STAB2: variants seen among roughly 807,000 people sequenced by gnomAD.
STAB2 encodes the protein stabilin-2.
Under a neutral mutation model 338.1 loss-of-function variants are expected in STAB2, and 288 were observed. That is an observed-to-expected ratio of 0.85 (90% CI 0.77 to 0.94). STAB2 has a LOEUF of 0.94. Ranked by LOEUF, STAB2 falls within the 40% of genes least tolerant of loss-of-function variation. The probability of loss-of-function intolerance (pLI) is 0.00; values close to 1 mark genes in which losing one functional copy is unlikely to be tolerated. For synonymous variants in STAB2, 1,202 were observed against 1,193.3 expected (o/e 1.01, Z -0.15); for missense variants, 3,141 against 3,210.1 (o/e 0.98, Z 0.52).
At chr12:103,617,099 T>C (rs1957222518) in intron 3 of STAB2, among the ~76,000 whole-genome samples, 1 of 152,190 alleles carries the variant, frequency 6.6e-6, no homozygotes, top group Non-Finnish European at 1.5e-5. Flanking sequence ...CAGAACTAGA[T>C]TATTTTTGGT....
intron 19 of STAB2, 87 bp downstream of exon 19, chr12:103,666,440 A>G (rs1875110557): frequency 2.1e-6 from 3 of 1,402,636 alleles, no homozygotes; most frequent in Non-Finnish European, 3.0e-6. Flanking sequence ...CCTTCTTTAG[A>G]AGATATTAAT....
Position 103,685,469 on chromosome 12 carries a change from T to TGCGTGCGTGC in STAB2, c.2997+386_2997+387insCGTGCGTGCG, listed in dbSNP as rs1555238766. ...GTGTGTGTGTGCGCGTGCGTGTGTG[T>TGCGTGCGTGC]GTGCGTGCGCGCATGTGTGTGTGTG... On this transcript the variant is annotated intron_variant, in intron 27 of 68. Coordinates refer to ENST00000388887, the MANE Select transcript of STAB2 (RefSeq NM_017564.10). 4.3e-5 allele frequency among the ~76,000 whole-genome samples: 6 copies of TGCGTGCGTGC among 140,812 alleles called. No homozygotes were observed. The East Asian group carries it at 9.9e-4, about 23-fold the overall frequency. 92.4% of individuals were successfully genotyped at this position (140,812 alleles called of 152,430 possible). A position where few individuals can be genotyped will look rare whatever the true frequency, so the allele number is the denominator to read the frequency against.
intron 9 of STAB2, among the ~76,000 whole-genome samples, chr12:103,644,807 T>C (rs1281600504): frequency 6.6e-6 from 1 of 152,186 alleles, no homozygotes; most frequent in Non-Finnish European, 1.5e-5. Context: ...TGAAAGAGTA[T>C]AATTGGGTTG....
chr12:103,704,386 G>A (rs1294357645), intron 35 of STAB2, among the ~76,000 whole-genome samples, 172 bp from the exon 36 acceptor site: 1 of 152,210 alleles, frequency 6.6e-6, no homozygotes, highest in African/African-American at 2.4e-5. Context: ...GAAAAGTGAT[G>A]CAAATGTGCA....
chr12:103,689,782 T>C, intron 28 of STAB2, 64 bp from the exon 29 acceptor site: 2 of 1,572,982 alleles, frequency 1.3e-6, no homozygotes, highest in Non-Finnish European at 1.7e-6. Context: ...CTTCCAAGCA[T>C]TTAAGGCAGC....
intron 51 of STAB2, 98 bp downstream of exon 51, chr12:103,733,280 C>A: frequency 7.2e-7 from 1 of 1,385,702 alleles, no homozygotes; most frequent in Non-Finnish European, 1.0e-6. Context: ...TCAGTGTGTC[C>A]CTGTCACCAC....
intron 55 of STAB2, 120 bp downstream of exon 55, chr12:103,740,876 C>T: frequency 7.4e-7 from 1 of 1,349,118 alleles, no homozygotes. Flanking sequence ...AATAATGATT[C>T]CCAGACCCCA....
At chr12:103,711,083 TA>T (rs1879812427) in intron 39 of STAB2, among the ~76,000 whole-genome samples, 2 of 152,134 alleles carry the variant, frequency 1.3e-5, no homozygotes, top group Non-Finnish European at 2.9e-5. Flanking sequence ...GGAATAAAGT[TA>T]GGAATAAACT....
At chr12:103,699,277 AG>A in intron 34 of STAB2, 50 bp downstream of exon 34, 1 of 1,574,300 alleles carries the variant, frequency 6.4e-7, no homozygotes. Context: ...GAATTACATC[AG>A]GGAGAGTATG....
At chr12:103,607,189 G>A (rs1450782397) in intron 3 of STAB2, among the ~76,000 whole-genome samples, 1 of 151,438 alleles carries the variant, frequency 6.6e-6, no homozygotes, top group African/African-American at 2.4e-5. Flanking sequence ...GGATCTATGG[G>A]TTTATACTTT....
chr12:103,601,053 A>G (rs1364583088), intron 3 of STAB2, among the ~76,000 whole-genome samples: 1 of 152,274 alleles, frequency 6.6e-6, no homozygotes, highest in African/African-American at 2.4e-5. Context: ...AAACAAAATT[A>G]CAAGCCAGAG....
chr12:103,692,749 T>C, intron 30 of STAB2, 63 bp from the exon 31 acceptor site: 2 of 1,378,584 alleles, frequency 1.5e-6, no homozygotes, highest in Non-Finnish European at 2.0e-6. Flanking sequence ...ACCCCAGAGA[T>C]CATCTCAATC....
intron 3 of STAB2, among the ~76,000 whole-genome samples, chr12:103,611,365 G>T (rs1430317816): frequency 1.3e-5 from 2 of 152,102 alleles, no homozygotes; most frequent in Non-Finnish European, 2.9e-5. Context: ...TATGAATCTG[G>T]GTGCTCCTGT....
At chr12:103,618,051 G>A (rs1004465816) in intron 3 of STAB2, among the ~76,000 whole-genome samples, 2 of 152,144 alleles carry the variant, frequency 1.3e-5, no homozygotes, top group African/African-American at 2.4e-5. Flanking sequence ...GTAACTTAAT[G>A]GAGCCCCCAG....
intron 3 of STAB2, among the ~76,000 whole-genome samples, chr12:103,611,157 A>G (rs1330448218): frequency 6.6e-6 from 1 of 152,164 alleles, no homozygotes; most frequent in African/African-American, 2.4e-5. Flanking sequence ...AGAAGAATGT[A>G]TATTCTGTTG....
At chr12:103,725,622 G>A (rs1179159782) in intron 45 of STAB2, among the ~76,000 whole-genome samples, 1 of 152,058 alleles carries the variant, frequency 6.6e-6, no homozygotes, top group Non-Finnish European at 1.5e-5. Flanking sequence ...GCTTGTGTGT[G>A]CATGCAGGTG....
chr12:103,688,875 C>A (rs935538770), intron 28 of STAB2, among the ~76,000 whole-genome samples: 2 of 152,222 alleles, frequency 1.3e-5, no homozygotes, highest in Non-Finnish European at 2.9e-5. Flanking sequence ...CCTGTTCACA[C>A]TCACTCACGA....
chr12:103,746,916 T>C (rs535115000), intron 58 of STAB2, among the ~76,000 whole-genome samples: 3 of 151,968 alleles, frequency 2.0e-5, no homozygotes, highest in Admixed American at 2.0e-4. Flanking sequence ...TTTTGCAAAC[T>C]GGGATGCACT....
chr12:103,626,526 A>G (rs1327815357), intron 5 of STAB2, among the ~76,000 whole-genome samples: 1 of 152,216 alleles, frequency 6.6e-6, no homozygotes, highest in African/African-American at 2.4e-5. Flanking sequence ...ATTATGTCAC[A>G]AGCACTCAAT....
Sources: allele counts gnomAD v4.1 joint callset (sites outside exome capture counted in the v4.1 genomes callset), GRCh38; gene constraint gnomAD v4.1.1; transcripts MANE v1.5; gene names NCBI Gene and HGNC (gene_info 2026-07-23, HGNC 2026-07-21).